The following TNRC6B variants were observed in gnomAD, a reference collection of about 807,000 sequenced individuals.
TNRC6B encodes the protein trinucleotide repeat-containing gene 6B protein.
A neutral mutation model predicts 203.6 loss-of-function variants in TNRC6B; 52 were observed. The ratio of observed to expected loss-of-function variants is 0.26; its 90% CI spans 0.20 to 0.32. TNRC6B has a LOEUF of 0.32. TNRC6B is among the 10% of genes least tolerant of loss of function. The pLI, the probability that TNRC6B is intolerant of heterozygous loss-of-function variation, is 1.00. For missense variants in TNRC6B, 1,923 were observed against 2,286.2 expected, an observed-to-expected ratio of 0.84 and a Z score of 3.24; for synonymous variants, 838 against 845.7, an observed-to-expected ratio of 0.99 and a Z score of 0.16.
At chr22:40,224,311 C>G (rs185766667) in intron 1 of TNRC6B, among the ~76,000 whole-genome samples, 48 of 152,274 alleles carry the variant, frequency 3.2e-4, no homozygotes, top group Middle Eastern at 3.4e-3. Context: ...AGCCTGTCTT[C>G]GTATACTTTG....
intron 15 of TNRC6B, among the ~76,000 whole-genome samples, chr22:40,305,218 G>T (rs2071074541): frequency 6.6e-6 from 1 of 152,156 alleles, no homozygotes; most frequent in Admixed American, 6.5e-5. Context: ...CAGGTGACAG[G>T]CAAGGGGCAT....
intron 1 of TNRC6B, among the ~76,000 whole-genome samples, chr22:40,225,697 C>T (rs1236186845): frequency 7.1e-6 from 1 of 141,730 alleles, no homozygotes; most frequent in Non-Finnish European, 1.5e-5. Flanking sequence ...GAGCCAAAAT[C>T]GTGCCACTCC....
At chr22:40,296,092 A>C (rs1185345495) in intron 12 of TNRC6B, among the ~76,000 whole-genome samples, 2 of 152,160 alleles carry the variant, frequency 1.3e-5, no homozygotes, top group East Asian at 3.8e-4. Context: ...CTTTACTACC[A>C]ACAAAGCAGA....
At chr22:40,107,167 T>C (rs745363997) in intron 1 of TNRC6B, 9 of 544,430 alleles carry the variant, frequency 1.7e-5, no homozygotes, top group Non-Finnish European at 2.3e-5. Context: ...GTACTTTTTG[T>C]ATCCTATTTA....
intron 17 of TNRC6B, among the ~76,000 whole-genome samples, chr22:40,312,259 T>C (rs1389943237): frequency 1.3e-5 from 2 of 152,206 alleles, no homozygotes; most frequent in African/African-American, 4.8e-5. Flanking sequence ...ATCAGGTTAC[T>C]GGGGACAGGC....
At chr22:40,075,157 T>TATATATA (rs1491547107) in intron 1 of TNRC6B, among the ~76,000 whole-genome samples, 91 of 34,436 alleles carry the variant, frequency 2.6e-3, no homozygotes, top group Non-Finnish European at 2.9e-3. Flanking sequence ...TATATATATA[T>TATATATA]TTTTTTTTTT....
intron 1 of TNRC6B, among the ~76,000 whole-genome samples, chr22:40,207,757 G>A (rs2069501782): frequency 6.6e-6 from 1 of 152,038 alleles, no homozygotes; most frequent in South Asian, 2.1e-4. Flanking sequence ...TCAAGGAAAT[G>A]CTAGTTAAAC....
At chr22:40,229,307 T>C (rs1213076784) in intron 1 of TNRC6B, among the ~76,000 whole-genome samples, 1 of 152,188 alleles carries the variant, frequency 6.6e-6, no homozygotes, top group Non-Finnish European at 1.5e-5. Flanking sequence ...AGTTCTGATT[T>C]ACAGATTTGT....
At chr22:40,263,144 A>C (rs1274595463) in intron 4 of TNRC6B, among the ~76,000 whole-genome samples, 1 of 152,220 alleles carries the variant, frequency 6.6e-6, no homozygotes, top group Non-Finnish European at 1.5e-5. Flanking sequence ...AACAGATTTC[A>C]ACTTAAAATG....
At position 40,287,463 on chromosome 22, in the gene TNRC6B, C is replaced by T. The variant is rs112731674; in HGVS notation, c.3708+1693C>T. Among the ~76,000 whole-genome samples, 56 of 152,272 alleles carry T rather than the reference C, an allele frequency of 3.7e-4. 2 individuals carry two copies. The highest frequency in any genetic ancestry group is 1.3e-3 in the African/African-American group (52 of 41,548). ...TCTCCACACCCCTTCCTTGCCTCCCCGTCATCACCACCAACTGCCTCTCCA... is the reference window on the plus strand; with the variant it reads ...TCTCCACACCCCTTCCTTGCCTCCCTGTCATCACCACCAACTGCCTCTCCA... On this transcript the variant is annotated intron_variant, in intron 12 of 22. Coordinates refer to ENST00000454349, the MANE Select transcript of TNRC6B (RefSeq NM_001162501.2).
Position 40,211,137 on chromosome 22 carries a change from G to A in TNRC6B, c.5+32997G>A, listed in dbSNP as rs143767062. 3.3e-3 allele frequency among the ~76,000 whole-genome samples: 507 copies of A among 151,964 alleles called. 4 individuals are homozygous for A. The highest frequency in any genetic ancestry group is 5.1e-3 in the Non-Finnish European group (350 of 67,998). ...CATCTTCTTCTTCTTTTTTGAGACA[G>A]GATCTTGCTTTGTCATCCAGGCTGG... On this transcript the variant is annotated intron_variant, in intron 1 of 22. Coordinates refer to ENST00000454349, the MANE Select transcript of TNRC6B (RefSeq NM_001162501.2).
intron 12 of TNRC6B, among the ~76,000 whole-genome samples, chr22:40,297,947 C>T (rs201676890): frequency 2.0e-5 from 3 of 151,538 alleles, no homozygotes; most frequent in African/African-American, 7.3e-5. Context: ...ATGGTGAAAC[C>T]CCGTCTCTAC....
At chr22:40,183,419 C>T (rs7290804) in intron 1 of TNRC6B, among the ~76,000 whole-genome samples, 103,278 of 152,000 alleles carry the variant, frequency 0.68, 36,866 homozygotes, top group African/African-American at 0.91. Flanking sequence ...AGCCTTTTCT[C>T]TTTATTCAAG....
chr22:40,218,671 A>T (rs78666753), intron 1 of TNRC6B, among the ~76,000 whole-genome samples: 9,992 of 152,236 alleles, frequency 0.066, 454 homozygotes, highest in Middle Eastern at 0.12. Context: ...ACTGACAGAC[A>T]TTCTTTTTAT....
intron 3 of TNRC6B, among the ~76,000 whole-genome samples, chr22:40,148,491 C>T (rs750068226): frequency 6.6e-6 from 1 of 152,032 alleles, no homozygotes; most frequent in African/African-American, 2.4e-5. Context: ...ACCATGTTGG[C>T]CAGGATGATC....
chr22:40,322,625 G>T (rs2071349188), intron 22 of TNRC6B, among the ~76,000 whole-genome samples: 1 of 152,180 alleles, frequency 6.6e-6, no homozygotes, highest in African/African-American at 2.4e-5. Context: ...GTGATGCCTT[G>T]TTGGTTTACA....
intron 11 of TNRC6B, 61 bp from the exon 12 acceptor site, chr22:40,285,584 G>C (rs998399462): frequency 4.4e-6 from 7 of 1,578,894 alleles, no homozygotes; most frequent in Non-Finnish European, 6.0e-6. Flanking sequence ...GACCAGAACT[G>C]TTTCTTACTT....
chr22:40,112,449 T>C (rs1375117507), intron 1 of TNRC6B, among the ~76,000 whole-genome samples: 1 of 152,022 alleles, frequency 6.6e-6, no homozygotes, highest in Non-Finnish European at 1.5e-5. Context: ...CCCCAAACCC[T>C]GCCCATGATA....
chr22:40,237,946 G>T (rs2069970785), intron 1 of TNRC6B, among the ~76,000 whole-genome samples: 1 of 151,882 alleles, frequency 6.6e-6, no homozygotes, highest in East Asian at 1.9e-4. Flanking sequence ...CTTTTGCCCA[G>T]TCTTATATCC....
Sources: gnomAD v4.1 joint callset for allele counts (sites outside exome capture counted in the v4.1 genomes callset) on GRCh38, gnomAD v4.1.1 for gene constraint, MANE v1.5 for transcripts, NCBI Gene and HGNC (gene_info 2026-07-23, HGNC 2026-07-21) for gene names.